The following MGA variants were observed in gnomAD, a reference collection of about 807,000 sequenced individuals.
The protein encoded by MGA is MAX gene-associated protein.
MGA carries 40 observed loss-of-function variants against 261.1 expected under a neutral mutation model. That is an observed-to-expected ratio of 0.15 (90% CI 0.12 to 0.20). MGA has a LOEUF of 0.20. Among genes scored for constraint, MGA ranks in the 10% least tolerant of loss-of-function variants. The pLI is 1.00. For missense variants in MGA, 3,397 were observed against 3,630.5 expected (o/e 0.94, Z 1.65); for synonymous variants, 1,302 against 1,290.6 (o/e 1.01, Z -0.19).
intron 1 of MGA, among the ~76,000 whole-genome samples, chr15:41,633,669 C>G (rs2056640297): frequency 6.6e-6 from 1 of 151,818 alleles, no homozygotes; most frequent in African/African-American, 2.4e-5. Flanking sequence ...GTGATCCACC[C>G]ACCTTGGCTT....
At chr15:41,635,746 G>A (rs1466571802) in intron 1 of MGA, among the ~76,000 whole-genome samples, 2 of 152,132 alleles carry the variant, frequency 1.3e-5, no homozygotes, top group Non-Finnish European at 2.9e-5. Context: ...ACATTCATGT[G>A]CCACATAATG....
At position 41,762,145 on chromosome 15, in the gene MGA, G is replaced by C. The variant is rs1164035444; in HGVS notation, c.7527G>C (p.Val2509=). Residue 2509 remains valine (V), a synonymous_variant, in exon 22 of 24, where the codon GTG becomes GTC. Coordinates refer to ENST00000219905, the MANE Select transcript of MGA (RefSeq NM_001164273.2). The stretch of plus-strand genomic sequence containing the variant: ...AACTTACAGGTAAGACAGAAGAAGT[G>C]GTCCTGAAGAAGCTAGAGTATATTT... The C allele has an allele frequency of 6.2e-6, 10 of 1,612,950 alleles. No homozygotes were observed. The African/African-American group carries it at 8.0e-5, about 13-fold the overall frequency.
In MGA at chr15:41,740,337, C is replaced by T. The variant is rs2062022514; in HGVS notation, c.4585+134C>T. The T allele has an allele frequency of 1.7e-5, 17 of 1,027,042 alleles. No homozygotes were observed. In the South Asian group the frequency reaches 2.9e-4, roughly 17 times the overall value. The allele number at this position is 1,027,042 out of a possible 1,614,324, so 63.6% of individuals were successfully genotyped here. Reference sequence around the variant, plus strand: ...TTCTTATTCTTGTTGTCTGTCTTGCCTGGACTTTTTTGATTGTTTGGGGTT... The same window carrying T: ...TTCTTATTCTTGTTGTCTGTCTTGCTTGGACTTTTTTGATTGTTTGGGGTT... On this transcript the variant is annotated intron_variant, in intron 14 of 23. Coordinates refer to ENST00000219905, the MANE Select transcript of MGA (RefSeq NM_001164273.2).
chr15:41,672,110 G>A (rs2058093550), intron 2 of MGA, among the ~76,000 whole-genome samples: 1 of 152,176 alleles, frequency 6.6e-6, no homozygotes. Flanking sequence ...AAATTCCTTT[G>A]GAGGATAGGG....
chr15:41,694,777 A>T (rs2059468302), intron 2 of MGA, among the ~76,000 whole-genome samples: 1 of 151,962 alleles, frequency 6.6e-6, no homozygotes, highest in Non-Finnish European at 1.5e-5. Flanking sequence ...CTCCCAAAGC[A>T]CTGGGATTAC....
intron 15 of MGA, among the ~76,000 whole-genome samples, chr15:41,748,156 C>A (rs946182012): frequency 3.1e-4 from 47 of 152,010 alleles, no homozygotes; most frequent in African/African-American, 1.1e-3. Context: ...ACTTGGAAGG[C>A]TGAGGCAGGA....
At chr15:41,632,811 T>C (rs369298782) in intron 1 of MGA, among the ~76,000 whole-genome samples, 2 of 151,388 alleles carry the variant, frequency 1.3e-5, no homozygotes, top group East Asian at 3.9e-4. Flanking sequence ...TGCCATAGTA[T>C]TGGCTTCAAT....
At chr15:41,697,479 C>T (rs1006766291) in intron 3 of MGA, among the ~76,000 whole-genome samples, 6 of 148,762 alleles carry the variant, frequency 4.0e-5, no homozygotes, top group Non-Finnish European at 7.4e-5. Flanking sequence ...TTCAGTGGCA[C>T]GATCTCAGCT....
rs1273010040 is a variant in MGA, at chr15:41,669,951, T to G, written c.1057T>G (p.Ser353Ala). The G allele has an allele frequency of 1.9e-6, 3 of 1,610,396 alleles. No individual in the cohort carries two copies. Among genetic ancestry groups the G allele is most frequent in the Non-Finnish European group, 1.7e-6 (2 of 1,177,412 alleles). Reference sequence around the variant, plus strand: ...AGTTCCTCAATTGAAGCAAGAGATTTCTGAATGGTAAGTAGTAGTTTTTCT... The same window carrying G: ...AGTTCCTCAATTGAAGCAAGAGATTGCTGAATGGTAAGTAGTAGTTTTTCT... The change falls in exon 2 of 24, where the codon TCT (serine) becomes GCT (alanine). Residue 353 changes from serine (S) to alanine (A), a missense_variant. Physicochemically the swap from Ser to Ala is moderately conservative, Grantham distance 99. Transcript: ENST00000219905.
At position 41,766,840 on chromosome 15, in the gene MGA, G is replaced by T; in HGVS notation, c.8758G>T (p.Ala2920Ser). Residue 2920 changes from alanine (A) to serine (S), a missense_variant, in exon 24 of 24, where the codon GCC (alanine) becomes TCC (serine). Ala to Ser is a moderately conservative substitution (Grantham distance 99). This residue lies in a region of MGA where 647 missense variants were observed against 642.4 expected (regional missense o/e 1.01). Coordinates refer to ENST00000219905, the MANE Select transcript of MGA (RefSeq NM_001164273.2). ...GAATGAAAAACAACTTGCAGAACCA[G>T]CCTCTGAGCCAGATGTCCTTAAGAT... 1 of 1,613,984 alleles carries T rather than the reference G, an allele frequency of 6.2e-7. No individual in the cohort carries two copies. The highest frequency in any genetic ancestry group is 1.1e-5 in the South Asian group (1 of 91,082).
intron 22 of MGA, 98 bp downstream of exon 22, chr15:41,762,460 GGTTTTTTTTT>G (rs2063521522): frequency 2.1e-4 from 40 of 190,526 alleles, no homozygotes; most frequent in African/African-American, 1.1e-3. Flanking sequence ...AGTTTTGTGT[GGTTTTTTTTT>G]TTTTTTTTTT....
chr15:41,747,517 C>G (rs1271954942), intron 15 of MGA, among the ~76,000 whole-genome samples: 2 of 151,666 alleles, frequency 1.3e-5, no homozygotes, highest in Non-Finnish European at 2.9e-5. Context: ...ATTGCTTGAG[C>G]CCCAGGGGTT....
rs542175494 is a variant in MGA at position 41,683,477 on chromosome 15, G to A, written c.1065-12598G>A. ...TGCCTCCTGGGCTCAAGTAGTCCTC[G>A]TGCCTCAGCCTGCCAAGAGCTCTTT... On this transcript the variant is annotated intron_variant, in intron 2 of 23. Transcript: ENST00000219905. 4.6e-5 allele frequency among the ~76,000 whole-genome samples: 7 copies of A among 151,712 alleles called. No homozygotes were observed. The South Asian group carries it at 1.2e-3, about 27-fold the overall frequency.
rs533748581 is a variant in MGA, at chr15:41,637,289, C to T, written c.-68+15991C>T. ...ATAGGTCATGGTTCGTATCATATTG[C>T]CTTTGTCTTTGGTGACCTGGGATTA... On this transcript the variant is annotated intron_variant, in intron 1 of 8. Coordinates refer to the MGA transcript ENST00000566718. Among the ~76,000 whole-genome samples the T allele has an allele frequency of 5.3e-4, 80 of 152,158 alleles. 2 individuals carry two copies. In the South Asian group the frequency reaches 0.016, roughly 30 times the overall value.
intron 1 of MGA, among the ~76,000 whole-genome samples, chr15:41,650,335 C>T (rs922392185): frequency 6.6e-5 from 10 of 152,216 alleles, no homozygotes; most frequent in African/African-American, 2.2e-4. Context: ...GAATGCCCTT[C>T]CTTCCCTTGT....
At position 41,711,197 on chromosome 15, in the gene MGA, C is replaced by G; in HGVS notation, c.2932C>G (p.Gln978Glu). 1 of 1,613,988 alleles carries G rather than the reference C, an allele frequency of 6.2e-7. No individual in the cohort carries two copies. The highest frequency in any genetic ancestry group is 8.5e-7 in the Non-Finnish European group (1 of 1,179,906). The change falls in exon 8 of 24, where the codon CAA (glutamine) becomes GAA (glutamate). Residue 978 changes from glutamine to glutamate, a missense_variant. Gln to Glu is a conservative substitution (Grantham distance 29, BLOSUM62 2). Coordinates refer to ENST00000219905, the MANE Select transcript of MGA (RefSeq NM_001164273.2). ...TTTGCGGCAGGCACAGCAGCAGCAG[C>G]AACAGCAACAGGGAAGTCGCCCTCC...
upstream of MGA, chr15:41,660,351 G>A (rs2057310080): frequency 6.5e-6 from 1 of 152,698 alleles, no homozygotes; most frequent in South Asian, 2.1e-4. Context: ...GTCTCCTTTT[G>A]CGCCTGCGCG....
rs1031448651 is a variant in MGA, at chr15:41,768,252, C to T, written c.*972C>T. 1 of 152,636 alleles carries T rather than the reference C, an allele frequency of 6.6e-6. No individual in the cohort carries two copies. Among genetic ancestry groups the T allele is most frequent in the African/African-American group, 2.4e-5 (1 of 41,446 alleles). The allele number at this position is 152,636 out of a possible 1,614,324, so 9.5% of individuals were successfully genotyped here. ...ATGTAAAGAAAAGTCACAGTAGGCA[C>T]TCTTTACCAGGGAAATAAGGCAGTA... On this transcript the variant is annotated 3_prime_UTR_variant, in exon 24 of 24. Coordinates refer to ENST00000219905, the MANE Select transcript of MGA (RefSeq NM_001164273.2).
At chr15:41,628,903 G>A (rs2056524215) in intron 1 of MGA, among the ~76,000 whole-genome samples, 1 of 152,156 alleles carries the variant, frequency 6.6e-6, no homozygotes. Context: ...ACTTTGGGTG[G>A]CCGAGGCAGG....
Sources: allele counts gnomAD v4.1 joint callset (sites outside exome capture counted in the v4.1 genomes callset), GRCh38; gene constraint gnomAD v4.1.1; regional missense constraint gnomAD v4.1.1; transcripts MANE v1.5; gene names NCBI Gene and HGNC (gene_info 2026-07-23, HGNC 2026-07-21).